Variants in ENTREP2 observed in about 807,000 individuals in gnomAD.
The protein encoded by ENTREP2 is endosomal transmembrane epsin interactor 2.
the ENTREP2 span, among the ~76,000 whole-genome samples, chr15:29,615,460 C>A: frequency 6.6e-6 from 1 of 152,222 alleles, no homozygotes; most frequent in African/African-American, 2.4e-5. Flanking sequence ...GGCCCCCTCT[C>A]ACATTTTGGA....
At chr15:29,230,425 CAG>C in the ENTREP2 span, among the ~76,000 whole-genome samples, 3 of 152,118 alleles carry the variant, frequency 2.0e-5, no homozygotes, top group East Asian at 5.8e-4. Flanking sequence ...TGATTTTAGG[CAG>C]AGAGGAAATT....
At chr15:29,426,143 G>A in the ENTREP2 span, among the ~76,000 whole-genome samples, 1 of 151,974 alleles carries the variant, frequency 6.6e-6, no homozygotes, top group Admixed American at 6.6e-5. Context: ...TGCACTACAA[G>A]TCATTTCCTT....
the ENTREP2 span, among the ~76,000 whole-genome samples, chr15:29,317,084 G>C: frequency 6.6e-6 from 1 of 152,188 alleles, no homozygotes; most frequent in Non-Finnish European, 1.5e-5. Flanking sequence ...TTTTAAAGAG[G>C]AAATAAAGAA....
the ENTREP2 span, chr15:29,120,957 G>A: frequency 6.6e-6 from 1 of 151,282 alleles, no homozygotes; most frequent in Non-Finnish European, 1.5e-5. Context: ...GACCTTCCCA[G>A]GAAGCCCAGA....
the ENTREP2 span, among the ~76,000 whole-genome samples, chr15:29,492,676 C>T: frequency 6.6e-6 from 1 of 152,126 alleles, no homozygotes; most frequent in South Asian, 2.1e-4. Context: ...AACATGCTGC[C>T]AAACACACTG....
the ENTREP2 span, among the ~76,000 whole-genome samples, chr15:29,147,840 C>T: frequency 1.3e-5 from 2 of 152,148 alleles, no homozygotes; most frequent in South Asian, 2.1e-4. Context: ...AAAACTTGTA[C>T]AAGGATGTTC....
At chr15:29,252,339 T>G in the ENTREP2 span, 5 of 1,367,746 alleles carry the variant, frequency 3.7e-6, no homozygotes, top group Non-Finnish European at 5.1e-6. Context: ...CTATGACCTT[T>G]ATGAAAGGGT....
the ENTREP2 span, among the ~76,000 whole-genome samples, chr15:29,425,982 AATT>A: frequency 2.0e-5 from 3 of 150,284 alleles, no homozygotes; most frequent in Non-Finnish European, 4.4e-5. Flanking sequence ...AACTAAATAT[AATT>A]ATTAAATTTA....
the ENTREP2 span, among the ~76,000 whole-genome samples, chr15:29,462,261 T>C: frequency 1.1e-4 from 16 of 152,166 alleles, no homozygotes; most frequent in African/African-American, 3.4e-4. Context: ...TTTGAGTATA[T>C]ACCCAGAAGT....
chr15:29,397,089 A>G, the ENTREP2 span, among the ~76,000 whole-genome samples: 1 of 152,134 alleles, frequency 6.6e-6, no homozygotes, highest in African/African-American at 2.4e-5. Flanking sequence ...CTGCTCCTCA[A>G]AAAAATTTAC....
At chr15:29,196,661 C>T in the ENTREP2 span, 6 of 1,369,626 alleles carry the variant, frequency 4.4e-6, no homozygotes, top group South Asian at 1.5e-5. Context: ...GAAAATGGCT[C>T]AGTTCAAAGG....
chr15:29,174,769 G>A, the ENTREP2 span, among the ~76,000 whole-genome samples: 1 of 151,294 alleles, frequency 6.6e-6, no homozygotes, highest in Non-Finnish European at 1.5e-5. Context: ...CTTTGCCACT[G>A]CCACTGCTTT....
the ENTREP2 span, among the ~76,000 whole-genome samples, chr15:29,418,408 A>G: frequency 5.3e-5 from 8 of 152,164 alleles, no homozygotes; most frequent in African/African-American, 1.9e-4. Context: ...CTCCGTGCAG[A>G]GTACAGAAGC....
chr15:29,557,083 A>G, the ENTREP2 span, among the ~76,000 whole-genome samples: 2,507 of 152,248 alleles, frequency 0.016, 69 homozygotes, highest in African/African-American at 0.055. Flanking sequence ...GATGTAAAAG[A>G]TTAGTCTTTC....
At chr15:29,499,471 A>G in the ENTREP2 span, among the ~76,000 whole-genome samples, 1 of 151,446 alleles carries the variant, frequency 6.6e-6, no homozygotes, top group East Asian at 1.9e-4. Flanking sequence ...GCAGCTTCTA[A>G]CTCCTTGAGA....
At chr15:29,492,157 G>C in the ENTREP2 span, among the ~76,000 whole-genome samples, 1 of 151,624 alleles carries the variant, frequency 6.6e-6, no homozygotes, top group Non-Finnish European at 1.5e-5. Flanking sequence ...CTGTACCATA[G>C]ACATCCCCAT....
At chr15:29,403,198 G>A in the ENTREP2 span, among the ~76,000 whole-genome samples, 1 of 152,162 alleles carries the variant, frequency 6.6e-6, no homozygotes, top group Non-Finnish European at 1.5e-5. Flanking sequence ...TATGTGGGCT[G>A]CTGCTCCTTG....
At chr15:29,634,344 C>T in the ENTREP2 span, among the ~76,000 whole-genome samples, 4 of 152,158 alleles carry the variant, frequency 2.6e-5, no homozygotes, top group Non-Finnish European at 5.9e-5. Flanking sequence ...ACACGATCCC[C>T]TCCCAGCAGA....
chr15:29,256,000 CAAAA>C, the ENTREP2 span, among the ~76,000 whole-genome samples: 10 of 112,424 alleles, frequency 8.9e-5, no homozygotes, highest in Admixed American at 9.5e-5. Context: ...GAGTCCGTCT[CAAAA>C]AAAAAAAAAA....
Sources: gnomAD v4.1 joint callset for allele counts (sites outside exome capture counted in the v4.1 genomes callset) on GRCh38, gnomAD v4.1.1 for gene constraint, MANE v1.5 for transcripts, NCBI Gene and HGNC (gene_info 2026-07-23, HGNC 2026-07-21) for gene names.